The following TTC28 variants were observed in gnomAD, a reference collection of about 807,000 sequenced individuals.
The protein encoded by TTC28 is tetratricopeptide repeat domain 28.
A neutral mutation model predicts 198.0 loss-of-function variants in TTC28; 61 were observed. That is an observed-to-expected ratio of 0.31 (90% CI 0.25 to 0.38). The LOEUF (loss-of-function observed/expected upper bound fraction) is 0.38. TTC28 is among the 10% of genes least tolerant of loss of function. The probability of loss-of-function intolerance (pLI) is 1.00; values close to 1 mark genes in which losing one functional copy is unlikely to be tolerated. For missense variants in TTC28, 2,678 were observed against 3,164.0 expected, an observed-to-expected ratio of 0.85 and a Z score of 3.69; for synonymous variants, 1,171 against 1,297.8, an observed-to-expected ratio of 0.90 and a Z score of 2.10.
intron 6 of TTC28, among the ~76,000 whole-genome samples, chr22:28,150,955 A>G (rs1489414364): frequency 6.6e-6 from 1 of 152,250 alleles, no homozygotes; most frequent in Non-Finnish European, 1.5e-5. Flanking sequence ...ATATTCTCCA[A>G]AGTGATCACT....
intron 5 of TTC28, among the ~76,000 whole-genome samples, chr22:28,285,063 C>T (rs937664605): frequency 2.6e-5 from 4 of 152,204 alleles, no homozygotes; most frequent in South Asian, 4.1e-4. Context: ...GCATTATTCA[C>T]AATAGCCAAG....
At chr22:28,133,051 C>T (rs535174701) in intron 6 of TTC28, among the ~76,000 whole-genome samples, 4 of 152,190 alleles carry the variant, frequency 2.6e-5, no homozygotes, top group South Asian at 4.2e-4. Flanking sequence ...GGTGAAACCC[C>T]GTCTCTACAA....
At chr22:28,400,218 T>C (rs1268431959) in intron 2 of TTC28, among the ~76,000 whole-genome samples, 1 of 152,188 alleles carries the variant, frequency 6.6e-6, no homozygotes, top group Non-Finnish European at 1.5e-5. Flanking sequence ...TTCAAATTTA[T>C]ACCAAACCTA....
intron 2 of TTC28, among the ~76,000 whole-genome samples, chr22:28,309,840 A>T (rs972075817): frequency 5.3e-5 from 8 of 152,152 alleles, no homozygotes; most frequent in Admixed American, 5.2e-4. Flanking sequence ...TGTTGAGAAC[A>T]CCTATACCCT....
intron 2 of TTC28, among the ~76,000 whole-genome samples, chr22:28,537,069 G>A (rs746336672): frequency 3.3e-5 from 5 of 151,660 alleles, no homozygotes; most frequent in Admixed American, 6.6e-5. Flanking sequence ...CGAGGCAGGC[G>A]GATCACGAGG....
chr22:28,476,655 T>C (rs1179417697), intron 2 of TTC28, among the ~76,000 whole-genome samples: 1 of 152,230 alleles, frequency 6.6e-6, no homozygotes, highest in African/African-American at 2.4e-5. Flanking sequence ...TATCTCACTA[T>C]GGTCTTAATT....
At chr22:28,009,141 G>A (rs527314912) in intron 14 of TTC28, among the ~76,000 whole-genome samples, 9 of 152,262 alleles carry the variant, frequency 5.9e-5, no homozygotes, top group East Asian at 1.9e-4. Flanking sequence ...AAAGATAAGC[G>A]GACATGCTCA....
chr22:28,624,377 CA>C (rs879851127), intron 2 of TTC28, among the ~76,000 whole-genome samples: 127 of 134,808 alleles, frequency 9.4e-4, no homozygotes, highest in Non-Finnish European at 1.0e-3. Context: ...GACTCTGTCT[CA>C]AAAAAAAAAA....
rs534198726 is a variant in TTC28 at position 28,143,761 on chromosome 22, A to T, written c.1441+19331T>A. ...TTTCAAGATCACACAGAAGGTCTAA[A>T]ATGTTAAAACAGGGAAAAAGGGCTC... On this transcript the variant is annotated intron_variant, in intron 6 of 22. Transcript: ENST00000397906. Among the ~76,000 whole-genome samples, 51 of 152,336 alleles carry T rather than the reference A, an allele frequency of 3.3e-4. 1 individual carries two copies. The South Asian group carries it at 0.01, about 30-fold the overall frequency.
At chr22:28,272,262 A>G (rs917454283) in intron 5 of TTC28, among the ~76,000 whole-genome samples, 2 of 152,188 alleles carry the variant, frequency 1.3e-5, no homozygotes, top group South Asian at 4.1e-4. Context: ...CACTATTATC[A>G]CTCAACCAAA....
intron 2 of TTC28, among the ~76,000 whole-genome samples, chr22:28,342,368 C>T (rs2045845344): frequency 6.6e-6 from 1 of 152,060 alleles, no homozygotes; most frequent in South Asian, 2.1e-4. Flanking sequence ...TTATATTATT[C>T]TGATTAAAGA....
Position 28,280,111 on chromosome 22 carries a change from C to A in TTC28, c.933+16087G>T, listed in dbSNP as rs187182247. On this transcript the variant is annotated intron_variant, in intron 5 of 22. Transcript: ENST00000397906. ...ATTCTCTGGAGTAAATATCTAGCAG[C>A]AGACTTGCTGGCCACAGGGTTAGTG... Among the ~76,000 whole-genome samples the A allele has an allele frequency of 1.2e-3, 178 of 152,188 alleles. 2 individuals carry two copies. The highest frequency in any genetic ancestry group is 1.8e-3 in the Non-Finnish European group (121 of 68,006).
intron 5 of TTC28, among the ~76,000 whole-genome samples, chr22:28,193,566 A>T (rs781076706): frequency 6.6e-6 from 1 of 152,152 alleles, no homozygotes; most frequent in Non-Finnish European, 1.5e-5. Flanking sequence ...CACACACATA[A>T]GCTCAAAATA....
intron 12 of TTC28, among the ~76,000 whole-genome samples, chr22:28,054,809 A>C (rs1940214574): frequency 6.6e-6 from 1 of 152,238 alleles, no homozygotes; most frequent in African/African-American, 2.4e-5. Flanking sequence ...TCTCTGACTA[A>C]TCCCAACTGG....
intron 2 of TTC28, among the ~76,000 whole-genome samples, chr22:28,325,296 G>A (rs973954318): frequency 6.6e-6 from 1 of 152,136 alleles, no homozygotes; most frequent in Non-Finnish European, 1.5e-5. Flanking sequence ...ATGGAAGTGT[G>A]TATTTCTGTG....
chr22:28,162,167 C>A (rs1204914011), intron 6 of TTC28, among the ~76,000 whole-genome samples: 2 of 152,112 alleles, frequency 1.3e-5, no homozygotes, highest in African/African-American at 2.4e-5. Flanking sequence ...TTGCCAGTTA[C>A]CAATTACTTG....
chr22:28,298,879 G>A (rs565872543), intron 3 of TTC28, among the ~76,000 whole-genome samples: 4 of 152,106 alleles, frequency 2.6e-5, no homozygotes, highest in South Asian at 2.1e-4. Context: ...CTGCTGCTTC[G>A]GAAACCAGTA....
chr22:28,308,201 C>T (rs2045183467), intron 2 of TTC28, among the ~76,000 whole-genome samples: 1 of 152,180 alleles, frequency 6.6e-6, no homozygotes, highest in African/African-American at 2.4e-5. Context: ...TCACTGGACT[C>T]AGCCACTGTT....
chr22:28,453,084 G>A (rs950647807), intron 2 of TTC28, among the ~76,000 whole-genome samples: 2 of 152,192 alleles, frequency 1.3e-5, no homozygotes, highest in Non-Finnish European at 2.9e-5. Context: ...AGTTATGGAT[G>A]AGATCCAGGT....
Sources: allele counts gnomAD v4.1 joint callset (sites outside exome capture counted in the v4.1 genomes callset), GRCh38; gene constraint gnomAD v4.1.1; transcripts MANE v1.5; gene names NCBI Gene and HGNC (gene_info 2026-07-23, HGNC 2026-07-21).